PSAP: variants seen among roughly 807,000 people sequenced by gnomAD.
PSAP encodes the protein precursor of saposins.
In PSAP, 25 loss-of-function variants were observed where a neutral mutation model predicts 66.0. That is an observed-to-expected ratio of 0.38 (90% CI 0.28 to 0.53). PSAP has a LOEUF of 0.53. Ranked by LOEUF, PSAP falls within the 20% of genes least tolerant of loss-of-function variation. The probability of loss-of-function intolerance (pLI) is 0.83; values close to 1 mark genes in which losing one functional copy is unlikely to be tolerated. For synonymous variants in PSAP, 273 were observed against 258.9 expected (o/e 1.05, Z -0.52); for missense variants, 649 against 668.8 (o/e 0.97, Z 0.33).
In PSAP at chr10:71,831,158, G is replaced by A; in HGVS notation, c.343C>T (p.Pro115Ser). ...CCTTTAATGATGTCCAGGATGACAGGGAGGTAGGAGTCCACTATCTCCTTG... is the reference window on the plus strand; with the variant it reads ...CCTTTAATGATGTCCAGGATGACAGAGAGGTAGGAGTCCACTATCTCCTTG... ...SCKEIVDSYL[P>S]VILDIIKGEM... is the part of the protein sequence containing the mutation. The change falls in exon 4 of 14, where the codon CCT (proline) becomes TCT (serine). Residue 115 changes from proline (P) to serine (S), a missense_variant. By Grantham distance (74) the Pro-to-Ser change is moderately conservative. Transcript: ENST00000394936. The A allele has an allele frequency of 6.2e-7, 1 of 1,614,106 alleles. No homozygotes were observed.
At chr10:71,840,590 T>C (rs905422800) in intron 1 of PSAP, among the ~76,000 whole-genome samples, 5 of 152,230 alleles carry the variant, frequency 3.3e-5, no homozygotes, top group African/African-American at 9.6e-5. Flanking sequence ...TCTCCCTTGA[T>C]TTGGAGGAGT....
At chr10:71,849,747 G>A (rs1045816638) in intron 1 of PSAP, among the ~76,000 whole-genome samples, 3 of 151,928 alleles carry the variant, frequency 2.0e-5, no homozygotes, top group South Asian at 2.1e-4. Context: ...AGGCTCAAGC[G>A]ATCCTCCCAC....
chr10:71,817,327 G>C lies in PSAP; in HGVS notation c.*114C>G. The C allele has an allele frequency of 8.7e-7, 1 of 1,154,568 alleles. No homozygotes were observed. The highest frequency in any genetic ancestry group is 1.3e-6 in the Non-Finnish European group (1 of 764,314). The allele number at this position is 1,154,568 out of a possible 1,614,324, so 71.5% of individuals were successfully genotyped here. A position where few individuals can be genotyped will look rare whatever the true frequency, so the allele number is the denominator to read the frequency against. ...AAAGGACACAGAAATGGGGGAGGTG[G>C]GGGAGCCCTATTTTTATAACAAAGT... On this transcript the variant is annotated 3_prime_UTR_variant, in exon 14 of 14. Transcript: ENST00000394936.
At chr10:71,827,895 C>T in intron 6 of PSAP, 119 bp downstream of exon 6, 2 of 1,370,042 alleles carry the variant, frequency 1.5e-6, no homozygotes. Context: ...TCTGCACTAC[C>T]TATTCAAGCT....
At chr10:71,850,009 G>A (rs1393462594) in intron 1 of PSAP, among the ~76,000 whole-genome samples, 4 of 151,682 alleles carry the variant, frequency 2.6e-5, no homozygotes, top group Admixed American at 6.6e-5. Context: ...CCCATATATC[G>A]TGACTTACTT....
At chr10:71,838,934 A>G (rs184537682) in intron 1 of PSAP, among the ~76,000 whole-genome samples, 1 of 152,328 alleles carries the variant, frequency 6.6e-6, no homozygotes, top group Admixed American at 6.5e-5. Context: ...AACAAGGCAG[A>G]TAACATTTTC....
Position 71,828,948 on chromosome 10 carries a change from C to A in PSAP, c.505G>T (p.Ala169Ser). 1 of 1,614,124 alleles carries A rather than the reference C, an allele frequency of 6.2e-7. No homozygotes were observed. The highest frequency in any genetic ancestry group is 8.5e-7 in the Non-Finnish European group (1 of 1,180,024). The change falls in exon 5 of 14, where the codon GCC becomes TCC. Residue 169 changes from alanine to serine, a missense_variant. Physicochemically the swap from Ala to Ser is moderately conservative, Grantham distance 99. Transcript: ENST00000394936. ...AGAGGGATGTTGGCCATGAAGGGGG[C>A]CACCACCTCAGTCATGTCCAGCTCT... ...IPELDMTEVVAPFMANIPLLL... is the reference protein window; with the variant it reads ...IPELDMTEVVSPFMANIPLLL...
chr10:71,835,821 G>GAAAAAAAAAAA (rs758665607), intron 1 of PSAP, among the ~76,000 whole-genome samples: 1 of 49,416 alleles, frequency 2.0e-5, no homozygotes, highest in African/African-American at 6.5e-5. Context: ...GTCTGAGACA[G>GAAAAAAAAAAA]AAAAAAAAAA....
In PSAP at chr10:71,844,450, G is replaced by A. The variant is rs141353522; in HGVS notation, c.40+6732C>T. ...GGGGGCTGAGGTGGGCAGAACACCT[G>A]AGGTCAGGAGTTTGAGACCAGCCTG... is the stretch of plus-strand genomic sequence containing the variant. On this transcript the variant is annotated intron_variant, in intron 1 of 13. Transcript: ENST00000394936. 3.7e-3 allele frequency among the ~76,000 whole-genome samples: 569 copies of A among 152,312 alleles called. 2 individuals carry two copies. Among genetic ancestry groups the A allele is most frequent in the African/African-American group, 0.013 (530 of 41,550 alleles).
intron 1 of PSAP, among the ~76,000 whole-genome samples, chr10:71,839,904 A>T (rs1842702519): frequency 6.6e-6 from 1 of 152,200 alleles, no homozygotes; most frequent in Admixed American, 6.5e-5. Flanking sequence ...TGTTGTTTAC[A>T]GTCAAACCTA....
In PSAP at chr10:71,840,591, T is replaced by C. The variant is rs115076881; in HGVS notation, c.41-6086A>G. ...ACGCTCAGAGGTAGTCTCCCTTGAT[T>C]TGGAGGAGTTAAGGTCCAAGAGTCC... On this transcript the variant is annotated intron_variant, in intron 1 of 13. Coordinates refer to ENST00000394936, the MANE Select transcript of PSAP (RefSeq NM_002778.4). Among the ~76,000 whole-genome samples, 730 of 152,332 alleles carry C rather than the reference T, an allele frequency of 4.8e-3. 6 individuals are homozygous for C. The highest frequency in any genetic ancestry group is 0.017 in the African/African-American group (693 of 41,576).
At chr10:71,836,504 G>A (rs1165788780) in intron 1 of PSAP, among the ~76,000 whole-genome samples, 1 of 152,120 alleles carries the variant, frequency 6.6e-6, no homozygotes, top group Non-Finnish European at 1.5e-5. Flanking sequence ...AAGGACCCAT[G>A]ATGACACCAT....
At chr10:71,820,431 G>A (rs1842277237) in intron 8 of PSAP, 96 bp from the exon 9 acceptor site, 1 of 997,014 alleles carries the variant, frequency 1.0e-6, no homozygotes, top group South Asian at 1.3e-5. Flanking sequence ...GACCAGGGTG[G>A]GTTAGCACAT....
chr10:71,849,813 G>T (rs1842893363), intron 1 of PSAP, among the ~76,000 whole-genome samples: 1 of 152,030 alleles, frequency 6.6e-6, no homozygotes, highest in Non-Finnish European at 1.5e-5. Context: ...CCAGATGCAA[G>T]ACATTTCAAA....
At chr10:71,842,679 T>C (rs1222449358) in intron 1 of PSAP, among the ~76,000 whole-genome samples, 1 of 152,122 alleles carries the variant, frequency 6.6e-6, no homozygotes, top group Non-Finnish European at 1.5e-5. Context: ...CATGAACATC[T>C]AAATTATATT....
In PSAP at chr10:71,841,094, C is replaced by T. The variant is rs560246956; in HGVS notation, c.41-6589G>A. Among the ~76,000 whole-genome samples the T allele has an allele frequency of 9.7e-4, 147 of 152,318 alleles. 1 individual carries two copies. Among genetic ancestry groups the T allele is most frequent in the African/African-American group, 3.3e-3 (138 of 41,570 alleles). ...GCCCTTGGCAGGACTATCCAGATTC[C>T]AGCCAAGTGAGCAAGTGGAGGCAGG... On this transcript the variant is annotated intron_variant, in intron 1 of 13. Coordinates refer to ENST00000394936, the MANE Select transcript of PSAP (RefSeq NM_002778.4).
intron 1 of PSAP, among the ~76,000 whole-genome samples, chr10:71,839,413 T>C (rs1415686630): frequency 6.6e-6 from 1 of 152,120 alleles, no homozygotes; most frequent in East Asian, 1.9e-4. Context: ...CTAATTTTTG[T>C]ATTTTTAGTA....
chr10:71,831,329 C>A, intron 3 of PSAP, 78 bp from the exon 4 acceptor site: 1 of 1,565,624 alleles, frequency 6.4e-7, no homozygotes, highest in Non-Finnish European at 8.7e-7. Flanking sequence ...AAGAGGCCCT[C>A]AATAGCTCCC....
chr10:71,821,273 G>A (rs1259142872), intron 8 of PSAP, among the ~76,000 whole-genome samples: 1 of 152,254 alleles, frequency 6.6e-6, no homozygotes, highest in East Asian at 1.9e-4. Context: ...GCATCACACA[G>A]CCCAGGCCTT....
Sources: allele counts gnomAD v4.1 joint callset (sites outside exome capture counted in the v4.1 genomes callset), GRCh38; gene constraint gnomAD v4.1.1; transcripts MANE v1.5; gene names NCBI Gene and HGNC (gene_info 2026-07-23, HGNC 2026-07-21).